DACT3: variants seen among roughly 807,000 people sequenced by gnomAD.
DACT3 encodes dishevelled binding antagonist of beta catenin 3, also known as dapper homolog 3.
In DACT3, 5 loss-of-function variants were observed where a neutral mutation model predicts 19.6. The observed-to-expected ratio is 0.26, with a 90% CI of 0.13 to 0.54. The LOEUF is 0.54. DACT3 is among the 20% of genes least tolerant of loss of function. The probability of loss-of-function intolerance (pLI) is 0.95; values close to 1 mark genes in which losing one functional copy is unlikely to be tolerated. For missense variants in DACT3, 908 were observed against 927.4 expected, an observed-to-expected ratio of 0.98 and a Z score of 0.27; for synonymous variants, 454 against 428.1, an observed-to-expected ratio of 1.06 and a Z score of -0.75.
intron 1 of DACT3, chr19:46,654,496 A>C: frequency 1.1e-6 from 1 of 937,078 alleles, no homozygotes; most frequent in South Asian, 4.9e-5. Flanking sequence ...AAAAAAAAAA[A>C]GGAAAAAAGA....
chr19:46,654,130 C>T, intron 1 of DACT3: 1 of 985,364 alleles, frequency 1.0e-6, no homozygotes, highest in African/African-American at 1.7e-5. Context: ...CCTCCTTCTG[C>T]CTTTGGTCCA....
rs1271308836 is a variant in DACT3, at chr19:46,648,878, A to G, written c.1494T>C (p.Arg498=). The part of the protein sequence containing the change: ...RRVRPRAPAA[R]VPGPGPSPSA... The stretch of plus-strand genomic sequence containing the variant: ...ACGGGGACGGGCCGGGGCCGGGAAC[A>G]CGCGCCGCAGGGGCTCGGGGCCGCA... Residue 498 remains arginine, a synonymous_variant, in exon 4 of 4, where the codon CGT becomes CGC. Coordinates refer to ENST00000391916, the MANE Select transcript of DACT3 (RefSeq NM_145056.3). The surrounding 1 kb of genome is among the most constrained non-coding windows in gnomAD (Gnocchi z 5.1). The G allele has an allele frequency of 2.8e-6, 4 of 1,408,322 alleles. No individual in the cohort carries two copies. The highest frequency in any genetic ancestry group is 3.7e-6 in the Non-Finnish European group (4 of 1,092,126). 87.2% of individuals were successfully genotyped at this position (1,408,322 alleles called of 1,614,324 possible).
Position 46,660,507 on chromosome 19 carries a change from A to C in DACT3, c.249+309T>G. On this transcript the variant is annotated intron_variant, in intron 1 of 3. Transcript: ENST00000391916. The surrounding 1 kb of genome is among the most constrained non-coding windows in gnomAD (Gnocchi z 4.9). The stretch of plus-strand genomic sequence containing the variant: ...CGCAAGAAGACAACGCCTGCAAAGT[A>C]CCCGGTCTCGGGTTTGACACATACT... 1 of 354,340 alleles carries C rather than the reference A, an allele frequency of 2.8e-6. No individual in the cohort carries two copies. The highest frequency in any genetic ancestry group is 5.1e-6 in the Non-Finnish European group (1 of 197,332). 21.9% of individuals were successfully genotyped at this position (354,340 alleles called of 1,614,324 possible). A position where few individuals can be genotyped will look rare whatever the true frequency, so the allele number is the denominator to read the frequency against.
intron 1 of DACT3, chr19:46,654,832 C>G (rs971946824): frequency 2.0e-6 from 2 of 983,908 alleles, no homozygotes; most frequent in Non-Finnish European, 2.4e-6. Context: ...CCCCCCCGCC[C>G]CATCCCAGTC....
chr19:46,648,630 G>T lies in DACT3; in HGVS notation c.1742C>A (p.Ala581Glu). The T allele has an allele frequency of 6.2e-7, 1 of 1,612,502 alleles. No individual in the cohort carries two copies. Among genetic ancestry groups the T allele is most frequent in the African/African-American group, 1.3e-5 (1 of 74,998 alleles). The change falls in exon 4 of 4, where the codon GCG becomes GAG. Residue 581 changes from alanine to glutamate, a missense_variant. By Grantham distance (107) the Ala-to-Glu change is moderately radical. Coordinates refer to ENST00000391916, the MANE Select transcript of DACT3 (RefSeq NM_145056.3). The surrounding 1 kb of genome is among the most constrained non-coding windows in gnomAD (Gnocchi z 5.1). The stretch of plus-strand genomic sequence containing the variant: ...TCCACCCCCAGAGGCCGCGGTGGCC[G>T]CCACCAGCTGCTGCGGCCACACGAG... ...GGLVWPQQLV[A>E]ATAASGGGAG... is the part of the protein sequence containing the mutation.
rs780113189 is a variant in DACT3, at chr19:46,648,768, C to T, written c.1604G>A (p.Arg535Gln). Residue 535 changes from arginine (R) to glutamine (Q), a missense_variant, in exon 4 of 4, where the codon CGG becomes CAG. Arg to Gln is a conservative substitution (Grantham distance 43, BLOSUM62 1). Around this residue, in one of 2 missense-constraint regions of DACT3, gnomAD observed 656 missense variants for 601.8 expected, o/e 1.09. Transcript: ENST00000391916. The surrounding 1 kb of genome is among the most constrained non-coding windows in gnomAD (Gnocchi z 5.1). ...SAGRLGPLGRRGPAGGVGGGY... is the reference protein window; with the variant it reads ...SAGRLGPLGRQGPAGGVGGGY... ...CCCGCCGACGCCTCCCGCAGGCCCC[C>T]GGCGTCCCAGGGGCCCCAGGCGCCC... 3.2e-6 allele frequency: 5 copies of T among 1,560,228 alleles called. No homozygotes were observed. Among genetic ancestry groups the T allele is most frequent in the Admixed American group, 1.9e-5 (1 of 52,500 alleles).
At position 46,649,888 on chromosome 19, in the gene DACT3, CAAAAAAA is replaced by C; in HGVS notation, c.500-23_500-17del. 9 of 1,256,368 alleles carry C rather than the reference CAAAAAAA, an allele frequency of 7.2e-6. No individual in the cohort carries two copies. The highest frequency in any genetic ancestry group is 6.0e-5 in the South Asian group (3 of 50,158). 77.8% of individuals were successfully genotyped at this position (1,256,368 alleles called of 1,614,324 possible). A position where few individuals can be genotyped will look rare whatever the true frequency, so the allele number is the denominator to read the frequency against. On this transcript the variant is annotated splice_polypyrimidine_tract_variant and intron_variant, in intron 3 of 3. Transcript: ENST00000391916. ...CTGGCGTCTCCTAGGGAAGGAAGGC[CAAAAAAA>C]AAAAAAAAAGAGAGAGTGGAGGGGC...
rs2053063751 is a variant in DACT3 at position 46,660,092 on chromosome 19, T to C, written c.249+724A>G. Reference sequence around the variant, plus strand: ...TCATTCCGGAGACCTCTGCCCATCTTCCACCATGAGAACACCCAGAGTCCA... The same window carrying C: ...TCATTCCGGAGACCTCTGCCCATCTCCCACCATGAGAACACCCAGAGTCCA... On this transcript the variant is annotated intron_variant, in intron 1 of 3. Transcript: ENST00000391916. The surrounding 1 kb of genome is among the most constrained non-coding windows in gnomAD (Gnocchi z 4.9). 6.6e-6 allele frequency among the ~76,000 whole-genome samples: 1 copy of C among 152,104 alleles called. No homozygotes were observed. Among genetic ancestry groups the C allele is most frequent in the African/African-American group, 2.4e-5 (1 of 41,408 alleles).
Position 46,649,325 on chromosome 19 carries a change from C to T in DACT3, c.1047G>A (p.Pro349=), listed in dbSNP as rs2052954346. 3.2e-6 allele frequency: 4 copies of T among 1,237,132 alleles called. No individual in the cohort carries two copies. The African/African-American group carries it at 6.4e-5, about 20-fold the overall frequency. The allele number at this position is 1,237,132 out of a possible 1,614,324, so 76.6% of individuals were successfully genotyped here. ...PPAAPSPPDS[P]AEGRLVKAQY... ...GCGCCTTCACCAAGCGGCCCTCAGCCGGGCTGTCGGGGGGTGAGGGGGCGG... is the reference window on the plus strand; with the variant it reads ...GCGCCTTCACCAAGCGGCCCTCAGCTGGGCTGTCGGGGGGTGAGGGGGCGG... Residue 349 remains proline (P), a synonymous_variant, in exon 4 of 4, where the codon CCG becomes CCA. Coordinates refer to ENST00000391916, the MANE Select transcript of DACT3 (RefSeq NM_145056.3).
chr19:46,660,714 T>C lies in DACT3; in HGVS notation c.249+102A>G. ...CCACCCCCTGTCCTTTCTCACTCCCTGCCTACCCGGGTCCCCAACCCCCGC... is the reference window on the plus strand; with the variant it reads ...CCACCCCCTGTCCTTTCTCACTCCCCGCCTACCCGGGTCCCCAACCCCCGC... On this transcript the variant is annotated intron_variant, in intron 1 of 3. Transcript: ENST00000391916. The surrounding 1 kb of genome is among the most constrained non-coding windows in gnomAD (Gnocchi z 4.9). 7.1e-7 allele frequency: 1 copy of C among 1,399,788 alleles called. No homozygotes were observed. Among genetic ancestry groups the C allele is most frequent in the Non-Finnish European group, 9.2e-7 (1 of 1,082,430 alleles). 86.7% of individuals were successfully genotyped at this position (1,399,788 alleles called of 1,614,324 possible).
Position 46,649,123 on chromosome 19 carries a change from T to TG in DACT3, c.1248dup (p.Arg417GlnfsTer11). On this transcript the variant is annotated frameshift_variant, in exon 4 of 4. Coordinates refer to ENST00000391916, the MANE Select transcript of DACT3 (RefSeq NM_145056.3). LOFTEE classifies it low-confidence loss of function (END_TRUNC). ...TGGGAGCGCGAGGCCTTGCGGGCCC[T>TG]GGGCGAGCCGCGGCGGCCCGAAGCC... is the stretch of plus-strand genomic sequence containing the variant. 2 of 1,278,548 alleles carry TG rather than the reference T, an allele frequency of 1.6e-6. No homozygotes were observed. The highest frequency in any genetic ancestry group is 9.9e-7 in the Non-Finnish European group (1 of 1,014,556). 79.2% of individuals were successfully genotyped at this position (1,278,548 alleles called of 1,614,324 possible). A position where few individuals can be genotyped will look rare whatever the true frequency, so the allele number is the denominator to read the frequency against.
chr19:46,654,660 C>T (rs927011091), intron 1 of DACT3: 3 of 985,250 alleles, frequency 3.0e-6, no homozygotes, highest in Admixed American at 6.2e-5. Context: ...TGAGTGAGGC[C>T]GGGTAGCAGC....
chr19:46,657,061 T>A (rs2053038425), intron 1 of DACT3, among the ~76,000 whole-genome samples: 1 of 152,162 alleles, frequency 6.6e-6, no homozygotes, highest in Non-Finnish European at 1.5e-5. Flanking sequence ...CAGTTTCTGT[T>A]AGGAGATATG....
At position 46,647,702 on chromosome 19, in the gene DACT3, T is replaced by TA. The variant is rs1320380338; in HGVS notation, c.*779dup. ...CACTGGGGAGTCACCATCGTCATAA[T>TA]AAATACAGTAATTTTAAAAAAGAAA... On this transcript the variant is annotated 3_prime_UTR_variant, in exon 4 of 4. Coordinates refer to ENST00000391916, the MANE Select transcript of DACT3 (RefSeq NM_145056.3). The TA allele has an allele frequency of 2.6e-5, 4 of 152,460 alleles. No homozygotes were observed. Among genetic ancestry groups the TA allele is most frequent in the Non-Finnish European group, 5.9e-5 (4 of 68,006 alleles). 9.4% of individuals were successfully genotyped at this position (152,460 alleles called of 1,614,324 possible).
At position 46,649,542 on chromosome 19, in the gene DACT3, C is replaced by T; in HGVS notation, c.830G>A (p.Gly277Asp). The T allele has an allele frequency of 7.7e-6, 8 of 1,045,496 alleles. No individual in the cohort carries two copies. Among genetic ancestry groups the T allele is most frequent in the Non-Finnish European group, 9.2e-6 (8 of 871,614 alleles). 64.8% of individuals were successfully genotyped at this position (1,045,496 alleles called of 1,614,324 possible). Reference protein sequence around the residue: ...QPRTSPGGADGGPRRQNSVRQ... With the variant: ...QPRTSPGGADDGPRRQNSVRQ... Reference sequence around the variant, plus strand: ...CACGCTGTTCTGGCGCCGCGGGCCGCCGTCCGCGCCCCCGGGACTGGTCCG... The same window carrying T: ...CACGCTGTTCTGGCGCCGCGGGCCGTCGTCCGCGCCCCCGGGACTGGTCCG... The change falls in exon 4 of 4, where the codon GGC (glycine) becomes GAC (aspartate). Residue 277 changes from glycine to aspartate, a missense_variant. Physicochemically the swap from Gly to Asp is moderately conservative, Grantham distance 94 (BLOSUM62 -1). Around this residue, in one of 2 missense-constraint regions of DACT3, gnomAD observed 656 missense variants for 601.8 expected, o/e 1.09. Transcript: ENST00000391916.
In DACT3 at chr19:46,648,481, C is replaced by A; in HGVS notation, c.*1G>T. ...GGGGGAGCCCAAGCAAATCCCCAAA[C>A]TCACACTGTAGTCATGACCTTGAGA... On this transcript the variant is annotated 3_prime_UTR_variant, in exon 4 of 4. Coordinates refer to ENST00000391916, the MANE Select transcript of DACT3 (RefSeq NM_145056.3). The surrounding 1 kb of genome is among the most constrained non-coding windows in gnomAD (Gnocchi z 5.1). The A allele has an allele frequency of 6.2e-7, 1 of 1,613,982 alleles. No individual in the cohort carries two copies. The highest frequency in any genetic ancestry group is 8.5e-7 in the Non-Finnish European group (1 of 1,179,856).
chr19:46,652,549 G>T, intron 3 of DACT3, 111 bp downstream of exon 3: 1 of 1,186,474 alleles, frequency 8.4e-7, no homozygotes, highest in Non-Finnish European at 1.2e-6. Context: ...ATGTGAAAAG[G>T]AAATGTCACA....
At chr19:46,653,999 TA>T (rs2053011387) in intron 1 of DACT3, 2 of 985,286 alleles carry the variant, frequency 2.0e-6, no homozygotes, top group African/African-American at 1.7e-5. Flanking sequence ...CCACGACTCA[TA>T]AACGTCTTTG....
chr19:46,653,011 C>T lies in DACT3; in HGVS notation c.314G>A (p.Gly105Glu). The change falls in exon 2 of 4, where the codon GGG becomes GAG. Residue 105 changes from glycine to glutamate, a missense_variant. This residue lies in a region of DACT3 where 252 missense variants were observed against 325.6 expected (regional missense o/e 0.77). Transcript: ENST00000391916. ...ACGCCCGCTCTCCTGTTCCAGGCCC[C>T]CAGACTCCAGGCTCAGGTCTCCCAG... ...QQLGDLSLES[G>E]GLEQESGRSS... is the part of the protein sequence containing the mutation. The T allele has an allele frequency of 6.4e-7, 1 of 1,551,532 alleles. No homozygotes were observed. Among genetic ancestry groups the T allele is most frequent in the Non-Finnish European group, 8.7e-7 (1 of 1,146,996 alleles).
Sources: gnomAD v4.1 joint callset for allele counts (sites outside exome capture counted in the v4.1 genomes callset) on GRCh38, gnomAD v4.1.1 for gene constraint, gnomAD v4.1.1 regional missense constraint, Gnocchi (gnomAD v3.1) non-coding constraint, MANE v1.5 for transcripts, NCBI Gene and HGNC (gene_info 2026-07-23, HGNC 2026-07-21) for gene names.